The following TRMT11 variants were observed in gnomAD, a reference collection of about 807,000 sequenced individuals.
TRMT11 encodes tRNA methyltransferase 11, also known as tRNA (guanine(10)-N(2))-methyltransferase TRMT11.
TRMT11 carries 53 observed loss-of-function variants against 62.8 expected under a neutral mutation model. The observed-to-expected ratio is 0.84, with a 90% CI of 0.68 to 1.06. TRMT11 has a LOEUF of 1.06. Ranked by LOEUF, TRMT11 falls within the 50% of genes least tolerant of loss-of-function variation. TRMT11 has a pLI of 0.00. For missense variants in TRMT11, 556 were observed against 553.4 expected (o/e 1.00, Z -0.05); for synonymous variants, 188 against 190.3 (o/e 0.99, Z 0.10).
At chr6:126,034,382 C>T (rs1774783995) in intron 12 of TRMT11, among the ~76,000 whole-genome samples, 1 of 152,056 alleles carries the variant, frequency 6.6e-6, no homozygotes, top group Admixed American at 6.6e-5. Context: ...TTGTGTATTT[C>T]TTATAATGTT....
intron 12 of TRMT11, among the ~76,000 whole-genome samples, chr6:126,022,346 C>T (rs1795957141): frequency 6.6e-6 from 1 of 152,112 alleles, no homozygotes; most frequent in Non-Finnish European, 1.5e-5. Flanking sequence ...CGTGTCCAGA[C>T]TGAAGATTTT....
At chr6:126,254,666 C>T in the TRMT11 span, among the ~76,000 whole-genome samples, 1 of 152,128 alleles carries the variant, frequency 6.6e-6, no homozygotes, top group South Asian at 2.1e-4. Context: ...TCTCCCTCAT[C>T]GCTATGTTTT....
intron 12 of TRMT11, among the ~76,000 whole-genome samples, chr6:126,027,822 T>A (rs1447840248): frequency 6.6e-6 from 1 of 152,190 alleles, no homozygotes; most frequent in Non-Finnish European, 1.5e-5. Flanking sequence ...GGGTTTTAAC[T>A]AAAGGACTGA....
At chr6:126,234,709 T>C in the TRMT11 span, among the ~76,000 whole-genome samples, 135 of 152,296 alleles carry the variant, frequency 8.9e-4, 6 homozygotes, top group East Asian at 0.025. Context: ...TTAATATATG[T>C]GTATTTCAGT....
intron 1 of TRMT11, among the ~76,000 whole-genome samples, chr6:125,992,676 C>T (rs915345091): frequency 6.6e-6 from 1 of 152,174 alleles, no homozygotes; most frequent in African/African-American, 2.4e-5. Flanking sequence ...TATAAAGCCA[C>T]ATCGCTAGTA....
intron 17 of TRMT11, among the ~76,000 whole-genome samples, chr6:126,097,139 G>A (rs1018268209): frequency 1.8e-4 from 27 of 152,148 alleles, no homozygotes; most frequent in African/African-American, 6.5e-4. Flanking sequence ...TTTGAGGGTG[G>A]TAATATGAAA....
chr6:126,090,938 C>T (rs1362655522), intron 17 of TRMT11, among the ~76,000 whole-genome samples: 1 of 152,080 alleles, frequency 6.6e-6, no homozygotes, highest in Admixed American at 6.6e-5. Flanking sequence ...AGGCCGGGTG[C>T]GATAGCTCAC....
chr6:126,193,456 G>A (rs1430897958), intron 1 of TRMT11, among the ~76,000 whole-genome samples: 2 of 142,930 alleles, frequency 1.4e-5, no homozygotes, highest in Non-Finnish European at 3.0e-5. Flanking sequence ...TCTTTTAAGT[G>A]CATTGTTAGG....
rs56176946 is a variant in TRMT11 at position 126,093,585 on chromosome 6, GTATATATATATATATATATATATA to G, written c.*1438-19257_*1438-19234del. Among the ~76,000 whole-genome samples, 269 of 46,690 alleles carry G rather than the reference GTATATATATATATATATATATATA, an allele frequency of 5.8e-3. 15 individuals carry two copies. Among genetic ancestry groups the G allele is most frequent in the African/African-American group, 0.023 (242 of 10,660 alleles). The allele number at this position is 46,690 out of a possible 152,430, so 30.6% of individuals were successfully genotyped here. ...CTAGTGTAGGTAACAGGATATGTATGTATATATATATATATATATATATATATATATATATATATATATATATTT... is the reference window on the plus strand; with the variant it reads ...CTAGTGTAGGTAACAGGATATGTATGTATATATATATATATATATATATTT... On this transcript the variant is annotated intron_variant and NMD_transcript_variant, in intron 17 of 22. Coordinates refer to the TRMT11 transcript ENST00000648977.
intron 1 of TRMT11, among the ~76,000 whole-genome samples, chr6:126,181,907 A>G (rs1257111224): frequency 6.6e-6 from 1 of 152,156 alleles, no homozygotes; most frequent in Non-Finnish European, 1.5e-5. Context: ...AGAGGTAAGG[A>G]ATACAGTTTG....
At chr6:126,043,657 T>C (rs1775952092), downstream of TRMT11, among the ~76,000 whole-genome samples, 1 of 152,174 alleles carries the variant, frequency 6.6e-6, no homozygotes, top group African/African-American at 2.4e-5. Flanking sequence ...TGAACTAGTT[T>C]ACAGTCCCAC....
At chr6:126,237,058 C>A in the TRMT11 span, among the ~76,000 whole-genome samples, 1 of 143,000 alleles carries the variant, frequency 7.0e-6, no homozygotes, top group Non-Finnish European at 1.5e-5. Flanking sequence ...ACTTGACCTC[C>A]TAGAGATAGA....
chr6:126,191,639 T>TAAAA (rs1778602012), intron 1 of TRMT11, among the ~76,000 whole-genome samples: 1 of 151,946 alleles, frequency 6.6e-6, no homozygotes, highest in Non-Finnish European at 1.5e-5. Flanking sequence ...ATAAGATGGG[T>TAAAA]ATTTAGTTCC....
chr6:126,152,469 C>T (rs563447914), intron 21 of TRMT11, among the ~76,000 whole-genome samples: 1 of 152,182 alleles, frequency 6.6e-6, no homozygotes, highest in South Asian at 2.1e-4. Flanking sequence ...GCCCTCTGCC[C>T]TGTGTGGAAT....
downstream of TRMT11, among the ~76,000 whole-genome samples, chr6:126,043,880 T>C (rs1178215520): frequency 3.8e-4 from 58 of 152,178 alleles, no homozygotes; most frequent in Non-Finnish European, 2.2e-4. Context: ...TCATATCCTT[T>C]GCCCACTTTT....
intron 17 of TRMT11, among the ~76,000 whole-genome samples, chr6:126,102,759 A>G (rs889070542): frequency 2.0e-5 from 3 of 152,154 alleles, no homozygotes; most frequent in African/African-American, 7.2e-5. Context: ...TCTAGTAAGT[A>G]TAAAAAAGTT....
In TRMT11 at chr6:126,186,624, C is replaced by T. The variant is rs145696670; in HGVS notation, n.143+9289C>T. 2.0e-5 allele frequency among the ~76,000 whole-genome samples: 3 copies of T among 152,192 alleles called. No homozygotes were observed. In the East Asian group the frequency reaches 5.8e-4, roughly 29 times the overall value. On this transcript the variant is annotated intron_variant and non_coding_transcript_variant, in intron 1 of 3. Transcript: ENST00000444229. Reference sequence around the variant, plus strand: ...ATTATATTGACTTAGACATCTCACTCAAGTTGATTGTGAAACTACCTTTTT... The same window carrying T: ...ATTATATTGACTTAGACATCTCACTTAAGTTGATTGTGAAACTACCTTTTT...
intron 17 of TRMT11, among the ~76,000 whole-genome samples, chr6:126,082,950 C>T (rs1036140468): frequency 6.6e-6 from 1 of 152,054 alleles, no homozygotes; most frequent in African/African-American, 2.4e-5. Context: ...AAAATATTTG[C>T]AAACCACATA....
downstream of TRMT11, among the ~76,000 whole-genome samples, chr6:126,203,712 A>G (rs1422381541): frequency 2.0e-5 from 3 of 152,354 alleles, no homozygotes; most frequent in East Asian, 5.8e-4. Flanking sequence ...GATAATCTAA[A>G]TGTGATTAGT....
Sources: gnomAD v4.1 joint callset for allele counts (sites outside exome capture counted in the v4.1 genomes callset) on GRCh38, gnomAD v4.1.1 for gene constraint, MANE v1.5 for transcripts, NCBI Gene and HGNC (gene_info 2026-07-23, HGNC 2026-07-21) for gene names.